BMX: variants seen among roughly 807,000 people sequenced by gnomAD.
The protein encoded by BMX is cytoplasmic tyrosine-protein kinase BMX.
A neutral mutation model predicts 59.2 loss-of-function variants in BMX; 31 were observed. That is an observed-to-expected ratio of 0.52 (90% CI 0.39 to 0.71). The LOEUF is 0.71. Ranked by LOEUF, BMX falls within the 30% of genes least tolerant of loss-of-function variation. The probability of loss-of-function intolerance (pLI) is 0.00; values close to 1 mark genes in which losing one functional copy is unlikely to be tolerated. For missense variants in BMX, 474 were observed against 491.7 expected, an observed-to-expected ratio of 0.96 and a Z score of 0.34; for synonymous variants, 185 against 181.0, an observed-to-expected ratio of 1.02 and a Z score of -0.18.
At chrX:15,533,277 A>T (rs150995407) in intron 11 of BMX, among the ~76,000 whole-genome samples, 2,846 of 111,644 alleles carry the variant, frequency 0.025, 79 homozygotes, top group African/African-American at 0.087. Flanking sequence ...TCTTGTAGAG[A>T]TTATTTCATC....
rs760164275 is a variant in BMX, at chrX:15,556,109, T to C, written c.1990T>C (p.Ser664Pro). ...EKRPTFQQLL[S>P]SIEPLREKDK... is the part of the protein sequence containing the mutation. ...GCGTCCCACATTTCAGCAACTCCTG[T>C]CTTCCATTGAACCACTTCGGGAAAA... The change falls in exon 19 of 19, where the codon TCT (serine) becomes CCT (proline). Residue 664 changes from serine to proline, a missense_variant. Transcript: ENST00000348343. 4.8e-5 allele frequency: 58 copies of C among 1,205,931 alleles called. No individual in the cohort carries two copies. Among genetic ancestry groups the C allele is most frequent in the Middle Eastern group, 4.6e-4 (2 of 4,347 alleles).
Position 15,525,278 on chromosome X carries a change from T to G in BMX, c.753-10T>G. 1 of 1,203,723 alleles carries G rather than the reference T, an allele frequency of 8.3e-7. No homozygotes were observed. Among genetic ancestry groups the G allele is most frequent in the Non-Finnish European group, 1.1e-6 (1 of 890,290 alleles). On this transcript the variant is annotated splice_polypyrimidine_tract_variant and intron_variant, in intron 7 of 18. Coordinates refer to ENST00000348343, the MANE Select transcript of BMX (RefSeq NM_203281.3). ...TGTTTATAAACTTATAAAATGTCTC[T>G]TTTTTGCAGTAGCAGCAGCAGTGAA...
At chrX:15,510,580 G>A (rs779910321) in intron 3 of BMX, among the ~76,000 whole-genome samples, 7 of 111,515 alleles carry the variant, frequency 6.3e-5, no homozygotes, top group African/African-American at 2.3e-4. Flanking sequence ...GCTCATGGAA[G>A]ATGCTGCAAA....
At chrX:15,545,844 T>C in intron 16 of BMX, among the ~76,000 whole-genome samples, 2 of 111,936 alleles carry the variant, frequency 1.8e-5, no homozygotes, top group South Asian at 7.5e-4. Context: ...TGACAGAATC[T>C]GTCCCTCATT....
intron 5 of BMX, among the ~76,000 whole-genome samples, chrX:15,517,559 G>A (rs971268978): frequency 8.9e-6 from 1 of 112,469 alleles, no homozygotes; most frequent in Non-Finnish European, 1.9e-5. Context: ...ACTACAGAGT[G>A]TAGAGGTGTT....
intron 16 of BMX, among the ~76,000 whole-genome samples, chrX:15,546,477 T>A (rs1225902399): frequency 8.9e-6 from 1 of 111,966 alleles, no homozygotes; most frequent in Non-Finnish European, 1.9e-5. Context: ...GGAAATAAGA[T>A]CAGAAAGTAC....
intron 4 of BMX, among the ~76,000 whole-genome samples, chrX:15,515,886 T>C (rs186257675): frequency 1.8e-5 from 2 of 112,553 alleles, no homozygotes; most frequent in East Asian, 2.8e-4. Context: ...AAAAATGATA[T>C]GTAATTGTGT....
chrX:15,509,549 G>T, intron 3 of BMX, 116 bp downstream of exon 3: 1 of 519,112 alleles, frequency 1.9e-6, no homozygotes, highest in Admixed American at 4.8e-5. Context: ...AACAAGGCTT[G>T]GAATATTCCC....
intron 6 of BMX, 38 bp downstream of exon 6, chrX:15,518,031 A>T (rs1924244438): frequency 9.2e-7 from 1 of 1,086,633 alleles, no homozygotes; most frequent in South Asian, 2.0e-5. Context: ...CATGGTCAGG[A>T]TATATTAAAT....
chrX:15,526,328 C>T (rs1210821291), intron 9 of BMX, among the ~76,000 whole-genome samples: 2 of 112,051 alleles, frequency 1.8e-5, no homozygotes, highest in Admixed American at 9.5e-5. Flanking sequence ...GATGCAAATA[C>T]TTATTGGATT....
chrX:15,511,668 ATG>A, intron 4 of BMX, 150 bp downstream of exon 4: 1 of 479,691 alleles, frequency 2.1e-6, no homozygotes, highest in Non-Finnish European at 3.5e-6. Context: ...ACCTCAGGGA[ATG>A]TGTCAGACTC....
intron 1 of BMX, among the ~76,000 whole-genome samples, chrX:15,501,904 A>G (rs763492366): frequency 9.0e-6 from 1 of 111,529 alleles, no homozygotes; most frequent in African/African-American, 3.3e-5. Context: ...CCTGCCTCCC[A>G]TTTTCTCCTA....
At chrX:15,506,591 C>T (rs1212204219) in intron 1 of BMX, among the ~76,000 whole-genome samples, 3 of 112,169 alleles carry the variant, frequency 2.7e-5, no homozygotes, top group Non-Finnish European at 5.6e-5. Context: ...CATAAGTCTC[C>T]GAGCAAATTC....
intron 17 of BMX, among the ~76,000 whole-genome samples, chrX:15,549,302 T>A (rs1266151246): frequency 8.9e-6 from 1 of 112,092 alleles, no homozygotes; most frequent in Non-Finnish European, 1.9e-5. Context: ...CTGGCCCATA[T>A]GAGATTAGGA....
rs774703027 is a variant in BMX, at chrX:15,509,405, C to T, written c.215C>T (p.Thr72Met). 55 of 1,202,380 alleles carry T rather than the reference C, an allele frequency of 4.6e-5. No individual in the cohort carries two copies. Among genetic ancestry groups the T allele is most frequent in the Admixed American group, 2.2e-5 (1 of 45,286 alleles). Residue 72 changes from threonine (T) to methionine (M), a missense_variant, in exon 3 of 19, where the codon ACG becomes ATG. Physicochemically the swap from Thr to Met is moderately conservative, Grantham distance 81. Coordinates refer to ENST00000348343, the MANE Select transcript of BMX (RefSeq NM_203281.3). Reference protein sequence around the residue: ...CVEKVNLEEQTPVERQYPFQI... With the variant: ...CVEKVNLEEQMPVERQYPFQI... Reference sequence around the variant, plus strand: ...GAGAAAGTAAATCTCGAGGAGCAGACGCCTGTAGAGAGACAGTACCCATTT... The same window carrying T: ...GAGAAAGTAAATCTCGAGGAGCAGATGCCTGTAGAGAGACAGTACCCATTT...
chrX:15,520,446 G>A (rs1366929844), intron 6 of BMX, among the ~76,000 whole-genome samples: 1 of 111,646 alleles, frequency 9.0e-6, no homozygotes, highest in Non-Finnish European at 1.9e-5. Flanking sequence ...ACTGGGCTGT[G>A]GTGATAGTTA....
chrX:15,545,744 CCTGA>C (rs748612963), intron 16 of BMX, among the ~76,000 whole-genome samples: 9 of 111,050 alleles, frequency 8.1e-5, no homozygotes, highest in South Asian at 7.6e-4. Flanking sequence ...TTAACAACTG[CCTGA>C]CTATTACCTG....
chrX:15,511,596 G>T, intron 4 of BMX, 78 bp downstream of exon 4: 1 of 824,101 alleles, frequency 1.2e-6, no homozygotes, highest in Non-Finnish European at 1.7e-6. Flanking sequence ...AGGCTTGGTG[G>T]AGGAAAGACA....
chrX:15,528,443 G>A (rs964824821), intron 9 of BMX, among the ~76,000 whole-genome samples: 6 of 111,729 alleles, frequency 5.4e-5, no homozygotes, highest in Non-Finnish European at 1.1e-4. Context: ...CAGATCTCTT[G>A]AGCTCAGAAG....
Sources: gnomAD v4.1 joint callset for allele counts (sites outside exome capture counted in the v4.1 genomes callset) on GRCh38, gnomAD v4.1.1 for gene constraint, MANE v1.5 for transcripts, NCBI Gene and HGNC (gene_info 2026-07-23, HGNC 2026-07-21) for gene names.